RPUSD1: variants seen among roughly 807,000 people sequenced by gnomAD.
RPUSD1 encodes pseudouridylate synthase RPUSD1.
RPUSD1 carries 28 observed loss-of-function variants against 22.4 expected under a neutral mutation model. The ratio of observed to expected loss-of-function variants is 1.25; its 90% confidence interval spans 0.93 to 1.72. The LOEUF (loss-of-function observed/expected upper bound fraction) is 1.72, where lower values mean the gene tolerates loss of function less well. Ranked by LOEUF, RPUSD1 falls within the 40% of genes most tolerant of loss-of-function variation. The pLI, the probability that RPUSD1 is intolerant of heterozygous loss-of-function variation, is 0.00. For missense variants in RPUSD1, 596 were observed against 442.2 expected (o/e 1.35, Z -3.12); for synonymous variants, 298 against 201.0 (o/e 1.48, Z -4.08).
At position 785,886 on chromosome 16, in the gene RPUSD1, C is replaced by T. The variant is rs928506074; in HGVS notation, c.*64G>A. Reference sequence around the variant, plus strand: ...GCCCCAGAGCCAGTGAGCAGACGCTCGCTCGCCCATCTCCCTAGAGTCCCG... The same window carrying T: ...GCCCCAGAGCCAGTGAGCAGACGCTTGCTCGCCCATCTCCCTAGAGTCCCG... On this transcript the variant is annotated 3_prime_UTR_variant, in exon 6 of 6. Transcript: ENST00000007264. 18 of 1,330,792 alleles carry T rather than the reference C, an allele frequency of 1.4e-5. No individual in the cohort carries two copies. The highest frequency in any genetic ancestry group is 1.3e-4 in the East Asian group (5 of 37,112). 82.4% of individuals were successfully genotyped at this position (1,330,792 alleles called of 1,614,324 possible).
rs764148764 is a variant in RPUSD1, at chr16:787,666, G to A, written c.72C>T (p.His24=). ...RSRDFLVVNK[H]WDVRIDSKAW... ...CCTTGCTGTCAATGCGAACGTCCCA[G>A]TGCTTGTTGACCACCAGGAAGTCGC... is the stretch of plus-strand genomic sequence containing the variant. The change falls in exon 2 of 6, where the codon CAC becomes CAT. Residue 24 remains histidine (H), a synonymous_variant. Coordinates refer to ENST00000007264, the MANE Select transcript of RPUSD1 (RefSeq NM_058192.3). 2 of 1,612,408 alleles carry A rather than the reference G, an allele frequency of 1.2e-6. No individual in the cohort carries two copies. Among genetic ancestry groups the A allele is most frequent in the South Asian group, 2.2e-5 (2 of 91,090 alleles).
Position 786,033 on chromosome 16 carries a change from G to A in RPUSD1, c.856C>T (p.Pro286Ser), listed in dbSNP as rs574842437. 4 of 1,505,476 alleles carry A rather than the reference G, an allele frequency of 2.7e-6. No individual in the cohort carries two copies. The highest frequency in any genetic ancestry group is 2.7e-6 in the Non-Finnish European group (3 of 1,130,144). The allele number at this position is 1,505,476 out of a possible 1,614,324, so 93.3% of individuals were successfully genotyped here. A position where few individuals can be genotyped will look rare whatever the true frequency, so the allele number is the denominator to read the frequency against. The change falls in exon 6 of 6, where the codon CCA (proline) becomes TCA (serine). Residue 286 changes from proline (P) to serine (S), a missense_variant. By Grantham distance (74) the Pro-to-Ser change is moderately conservative. Transcript: ENST00000007264. Reference sequence around the variant, plus strand: ...GCCTCAGTCTCAGGGGGCTTGGTTGGGGGTGGAGGAGGCCGGCCGGGCCCA... The same window carrying A: ...GCCTCAGTCTCAGGGGGCTTGGTTGAGGGTGGAGGAGGCCGGCCGGGCCCA... ...LPGPGRPPPP[P>S]TKPPETEAQR...
Position 788,241 on chromosome 16 carries a change from C to A in RPUSD1, c.-8+15G>T. On this transcript the variant is annotated intron_variant, in intron 1 of 5. Coordinates refer to ENST00000007264, the MANE Select transcript of RPUSD1 (RefSeq NM_058192.3). ...TCCGAGCCCCTCCCGCGCCCACGCC[C>A]ACGCCAAGACCAACCTGCTGCCGGG... is the stretch of plus-strand genomic sequence containing the variant. The A allele has an allele frequency of 2.6e-6, 1 of 388,818 alleles. No individual in the cohort carries two copies. Among genetic ancestry groups the A allele is most frequent in the Admixed American group, 3.2e-5 (1 of 31,102 alleles). The allele number at this position is 388,818 out of a possible 1,614,324, so 24.1% of individuals were successfully genotyped here.
chr16:786,363 G>C lies in RPUSD1; in HGVS notation c.526C>G (p.Leu176Val), dbSNP rs1456619519. ...LKPLTGRTHQ[L>V]RVHCSALGHP... ...CCCAGGGCACTGCAGTGCACGCGCA[G>C]CTGGTGTGTCCGGCCTGCGGGATGA... Residue 176 changes from leucine to valine, a missense_variant, in exon 6 of 6, where the codon CTG (leucine) becomes GTG (valine). Transcript: ENST00000007264. 6.2e-7 allele frequency: 1 copy of C among 1,607,394 alleles called. No homozygotes were observed. The highest frequency in any genetic ancestry group is 8.5e-7 in the Non-Finnish European group (1 of 1,176,230).
rs776905585 is a variant in RPUSD1, at chr16:787,369, C to T, written c.291G>A (p.Lys97=). Residue 97 remains lysine (K), a synonymous_variant, in exon 3 of 6, where the codon AAG becomes AAA. Coordinates refer to ENST00000007264, the MANE Select transcript of RPUSD1 (RefSeq NM_058192.3). ...YRCFKERRVT[K]AYLALLRGHI... ...CAGGTCTTACCAATGCCAGGTAAGC[C>T]TTGGTCACGCGCCGCTCCTTGAAGC... 21 of 1,586,130 alleles carry T rather than the reference C, an allele frequency of 1.3e-5. No individual in the cohort carries two copies. The highest frequency in any genetic ancestry group is 1.8e-5 in the Non-Finnish European group (21 of 1,167,026).
At chr16:786,600 G>C (rs1276704395) in intron 5 of RPUSD1, 18 of 740,140 alleles carry the variant, frequency 2.4e-5, no homozygotes, top group Non-Finnish European at 3.8e-5. Flanking sequence ...GTGGTGCTCG[G>C]TCCTGGAGAA....
Position 786,114 on chromosome 16 carries a change from CG to C in RPUSD1, c.774del (p.Asp259ThrfsTer71), listed in dbSNP as rs1567375215. 1.3e-6 allele frequency: 2 copies of C among 1,595,348 alleles called. No individual in the cohort carries two copies. The highest frequency in any genetic ancestry group is 4.5e-5 in the East Asian group (2 of 44,424). Reference sequence around the variant, plus strand: ...GGGCCCCTATCCTCGGGGTCAGGGTCGGGGGTGGCCCGTAAGGCCTGCACGA... The same window carrying C: ...GGGCCCCTATCCTCGGGGTCAGGGTCGGGGTGGCCCGTAAGGCCTGCACGA... ...DQLVQALRAT[P>X]DPDPEDRGPR... is the part of the protein sequence containing the mutation. On this transcript the variant is annotated frameshift_variant, in exon 6 of 6. Coordinates refer to ENST00000007264, the MANE Select transcript of RPUSD1 (RefSeq NM_058192.3). LOFTEE classifies it low-confidence loss of function (END_TRUNC).
At chr16:787,018 G>T in intron 4 of RPUSD1, 59 bp downstream of exon 4, 1 of 1,565,816 alleles carries the variant, frequency 6.4e-7, no homozygotes, top group Non-Finnish European at 8.7e-7. Context: ...GTGGGTCCCT[G>T]CCTGCCCAGG....
rs140807959 is a variant in RPUSD1, at chr16:787,175, C to A, written c.311G>T (p.Arg104Leu). 7 of 1,602,944 alleles carry A rather than the reference C, an allele frequency of 4.4e-6. No homozygotes were observed. The Admixed American group carries it at 1.2e-4, about 27-fold the overall frequency. Reference sequence around the variant, plus strand: ...TACCCGGCTCTCCTGGATGTGCCCCCGCAGCTGCAGGAGAGGGAGAATCGC... The same window carrying A: ...TACCCGGCTCTCCTGGATGTGCCCCAGCAGCTGCAGGAGAGGGAGAATCGC... Reference protein sequence around the residue: ...RVTKAYLALLRGHIQESRVTI... With the variant: ...RVTKAYLALLLGHIQESRVTI... The change falls in exon 4 of 6, where the codon CGG (arginine) becomes CTG (leucine). Residue 104 changes from arginine (R) to leucine (L), a missense_variant. Transcript: ENST00000007264.
rs756890540 is a variant in RPUSD1, at chr16:786,572, G to A, written c.512-195C>T. 187 of 749,546 alleles carry A rather than the reference G, an allele frequency of 2.5e-4. 1 individual carries two copies. The highest frequency in any genetic ancestry group is 3.7e-4 in the Non-Finnish European group (160 of 431,422). The allele number at this position is 749,546 out of a possible 1,614,324, so 46.4% of individuals were successfully genotyped here. A position where few individuals can be genotyped will look rare whatever the true frequency, so the allele number is the denominator to read the frequency against. On this transcript the variant is annotated intron_variant, in intron 5 of 5. Coordinates refer to ENST00000007264, the MANE Select transcript of RPUSD1 (RefSeq NM_058192.3). ...AGAAGATTGTGTTCAGGTCACCACT[G>A]GTGAGGACAGGGCCAGGGTGGTGCT...
rs2041902961 is a variant in RPUSD1 at position 786,201 on chromosome 16, A to G, written c.688T>C (p.Phe230Leu). The change falls in exon 6 of 6, where the codon TTC becomes CTC. Residue 230 changes from phenylalanine to leucine, a missense_variant. Physicochemically the swap from Phe to Leu is conservative, Grantham distance 22 (BLOSUM62 0). Coordinates refer to ENST00000007264, the MANE Select transcript of RPUSD1 (RefSeq NM_058192.3). ...ECVEVCTPDP[F>L]LPSLDACWSP... ...CAGCAGGCATCCAGGGAGGGCAGGA[A>G]GGGGTCAGGCGTGCAGACCTCCACA... 6.2e-7 allele frequency: 1 copy of G among 1,612,678 alleles called. No homozygotes were observed. Among genetic ancestry groups the G allele is most frequent in the Non-Finnish European group, 8.5e-7 (1 of 1,179,878 alleles).
intron 1 of RPUSD1, 115 bp from the exon 2 acceptor site, chr16:787,859 G>A: frequency 9.6e-7 from 1 of 1,041,738 alleles, no homozygotes; most frequent in East Asian, 2.5e-5. Context: ...ACCGAGCCGG[G>A]TCCGCAGCCC....
At chr16:787,238 C>G in intron 3 of RPUSD1, 59 bp from the exon 4 acceptor site, 1 of 1,552,728 alleles carries the variant, frequency 6.4e-7, no homozygotes, top group Middle Eastern at 1.8e-4. Context: ...GCCGGGGAGC[C>G]CACCTAACAC....
intron 4 of RPUSD1, 39 bp downstream of exon 4, chr16:787,038 A>G (rs537799838): frequency 2.5e-6 from 4 of 1,594,850 alleles, no homozygotes; most frequent in East Asian, 4.6e-5. Flanking sequence ...GCCCACCCCA[A>G]CCCACGATGC....
In RPUSD1 at chr16:787,660, G is replaced by T; in HGVS notation, c.78C>A (p.Asp26Glu). Reference protein sequence around the residue: ...RDFLVVNKHWDVRIDSKAWRE... With the variant: ...RDFLVVNKHWEVRIDSKAWRE... ...GCCACGCCTTGCTGTCAATGCGAAC[G>T]TCCCAGTGCTTGTTGACCACCAGGA... The change falls in exon 2 of 6, where the codon GAC becomes GAA. Residue 26 changes from aspartate to glutamate, a missense_variant. Physicochemically the swap from Asp to Glu is conservative, Grantham distance 45. Coordinates refer to ENST00000007264, the MANE Select transcript of RPUSD1 (RefSeq NM_058192.3). The T allele has an allele frequency of 6.2e-7, 1 of 1,612,376 alleles. No individual in the cohort carries two copies. The highest frequency in any genetic ancestry group is 1.1e-5 in the South Asian group (1 of 91,088).
At position 787,724 on chromosome 16, in the gene RPUSD1, C is replaced by A. The variant is rs143983664; in HGVS notation, c.14G>T (p.Ser5Ile). The change falls in exon 2 of 6, where the codon AGC (serine) becomes ATC (isoleucine). Residue 5 changes from serine to isoleucine, a missense_variant. Ser to Ile is a moderately radical substitution (Grantham distance 142, BLOSUM62 -2). Coordinates refer to ENST00000007264, the MANE Select transcript of RPUSD1 (RefSeq NM_058192.3). MEPG[S>I]VENLSIVYRS... ...GTACACGATGGACAGGTTCTCCACG[C>A]TGCCTGGCTCCATGGCCGGCCTGCC... 6.2e-7 allele frequency: 1 copy of A among 1,610,320 alleles called. No individual in the cohort carries two copies. The highest frequency in any genetic ancestry group is 8.5e-7 in the Non-Finnish European group (1 of 1,179,644).
rs768427216 is a variant in RPUSD1 at position 787,435 on chromosome 16, G to A, written c.225C>T (p.Cys75=). Residue 75 remains cysteine (C), a synonymous_variant, in exon 3 of 6, where the codon TGC becomes TGT. Coordinates refer to ENST00000007264, the MANE Select transcript of RPUSD1 (RefSeq NM_058192.3). The part of the protein sequence containing the change: ...QLDFSTSGAL[C]VALNKAAAGS... ...CGGCGGCTGCCTTGTTTAGGGCCAC[G>A]CACAGCGCCCCGCTGGTGGAGAAAT... 41 of 1,582,862 alleles carry A rather than the reference G, an allele frequency of 2.6e-5. No homozygotes were observed. The highest frequency in any genetic ancestry group is 1.4e-4 in the East Asian group (6 of 42,710).
At position 787,153 on chromosome 16, in the gene RPUSD1, C is replaced by T. The variant is rs2041961920; in HGVS notation, c.333G>A (p.Arg111=). 6.2e-7 allele frequency: 1 copy of T among 1,607,062 alleles called. No homozygotes were observed. Among genetic ancestry groups the T allele is most frequent in the South Asian group, 1.1e-5 (1 of 90,760 alleles). The change falls in exon 4 of 6, where the codon CGG becomes CGA. Residue 111 remains arginine (R), a synonymous_variant. Transcript: ENST00000007264. ...TGCCAATGGCATGGCTGATGGTTAC[C>T]CGGCTCTCCTGGATGTGCCCCCGCA... is the stretch of plus-strand genomic sequence containing the variant. ...ALLRGHIQES[R]VTISHAIGRN... is the part of the protein sequence containing the mutation.
In RPUSD1 at chr16:788,324, G is replaced by T. The variant is rs1055985864; in HGVS notation, c.-76C>A. 1.4e-5 allele frequency: 3 copies of T among 220,612 alleles called. No homozygotes were observed. The highest frequency in any genetic ancestry group is 4.8e-5 in the African/African-American group (2 of 41,552). The allele number at this position is 220,612 out of a possible 1,614,324, so 13.7% of individuals were successfully genotyped here. ...GCGCCGGCTCCAGCCGCGCGCCCGC[G>T]CGCTGGCGACCCAGAGACCCTGGAA... On this transcript the variant is annotated 5_prime_UTR_variant, in exon 1 of 6. Transcript: ENST00000007264.
Sources: allele counts gnomAD v4.1 joint callset, GRCh38; gene constraint gnomAD v4.1.1; transcripts MANE v1.5; gene names NCBI Gene and HGNC (gene_info 2026-07-23, HGNC 2026-07-21).